Variants in PCDH11Y observed in about 807,000 individuals in gnomAD.
PCDH11Y encodes the protein protocadherin-11 Y-linked.
For missense variants in PCDH11Y, 12 were observed against 224.8 expected, an observed-to-expected ratio of 0.05 and a Z score of 6.05; for synonymous variants, 9 against 83.6, an observed-to-expected ratio of 0.11 and a Z score of 4.87.
chrY:5,133,971 G>C, intron 2 of PCDH11Y, among the ~76,000 whole-genome samples: 1 of 32,367 alleles, frequency 3.1e-5, no homozygotes, highest in Non-Finnish European at 7.6e-5. Flanking sequence ...TAATAATATT[G>C]ATTCTTCAGT....
intron 2 of PCDH11Y, among the ~76,000 whole-genome samples, chrY:5,172,677 A>G (rs2052888175): frequency 3.1e-5 from 1 of 32,014 alleles, no homozygotes; most frequent in African/African-American, 1.2e-4. Flanking sequence ...GCATGGAGGG[A>G]GCAGTAAGAA....
chrY:5,434,593 C>G, intron 2 of PCDH11Y, among the ~76,000 whole-genome samples: 1 of 31,441 alleles, frequency 3.2e-5, no homozygotes, highest in South Asian at 7.5e-4. Context: ...TTTTTTTCAA[C>G]TAAATCAATA....
At chrY:5,564,525 A>G (rs2053432482) in intron 3 of PCDH11Y, among the ~76,000 whole-genome samples, 1 of 31,330 alleles carries the variant, frequency 3.2e-5, no homozygotes, top group African/African-American at 1.2e-4. Flanking sequence ...TGCATTTGCT[A>G]TATCAGAGTA....
At chrY:5,683,166 T>C (rs1456873367) in intron 4 of PCDH11Y, among the ~76,000 whole-genome samples, 46 of 33,123 alleles carry the variant, frequency 1.4e-3, no homozygotes, top group Non-Finnish European at 2.9e-3. Flanking sequence ...ATAGCATTTC[T>C]ATATGTCACC....
intron 4 of PCDH11Y, among the ~76,000 whole-genome samples, chrY:5,698,102 C>T: frequency 1.9e-4 from 6 of 31,353 alleles, no homozygotes; most frequent in East Asian, 8.8e-4. Flanking sequence ...TAAGAAATTC[C>T]GGGTTGGCAA....
intron 1 of PCDH11Y, among the ~76,000 whole-genome samples, chrY:5,028,083 G>A: frequency 6.0e-5 from 2 of 33,413 alleles, no homozygotes; most frequent in Non-Finnish European, 1.5e-4. Context: ...TTAAGCTTAG[G>A]CCTACGATGA....
chrY:5,660,612 T>A, intron 4 of PCDH11Y, among the ~76,000 whole-genome samples: 1 of 32,829 alleles, frequency 3.0e-5, no homozygotes, highest in Non-Finnish European at 7.5e-5. Flanking sequence ...GCACAAACTC[T>A]CTGTGTCACA....
At chrY:5,092,635 T>A in intron 1 of PCDH11Y, among the ~76,000 whole-genome samples, 1 of 32,670 alleles carries the variant, frequency 3.1e-5, no homozygotes, top group Non-Finnish European at 7.6e-5. Context: ...AAGTATTTCC[T>A]TAGTGTTTTC....
chrY:5,533,927 C>A, intron 3 of PCDH11Y, among the ~76,000 whole-genome samples: 1 of 32,975 alleles, frequency 3.0e-5, no homozygotes, highest in Non-Finnish European at 7.5e-5. Context: ...GCATTGATTT[C>A]TTTCAGTTTA....
At chrY:5,267,836 C>T in intron 2 of PCDH11Y, among the ~76,000 whole-genome samples, 1 of 34,008 alleles carries the variant, frequency 2.9e-5, no homozygotes, top group Non-Finnish European at 7.3e-5. Context: ...ATTGCAATTT[C>T]TGCAATTAGT....
chrY:5,358,411 T>A, intron 2 of PCDH11Y, among the ~76,000 whole-genome samples: 1 of 33,526 alleles, frequency 3.0e-5, no homozygotes, highest in Non-Finnish European at 7.4e-5. Context: ...AGAAAGTTTA[T>A]CTTGCCAAGG....
chrY:5,326,890 G>A, intron 2 of PCDH11Y, among the ~76,000 whole-genome samples: 1 of 33,013 alleles, frequency 3.0e-5, no homozygotes, highest in Admixed American at 2.8e-4. Context: ...GCAGACATGA[G>A]GGCTAGGCTA....
chrY:5,358,858 T>C, intron 2 of PCDH11Y, among the ~76,000 whole-genome samples: 2 of 30,905 alleles, frequency 6.5e-5, no homozygotes, highest in African/African-American at 2.6e-4. Context: ...GTTTGTTTGT[T>C]TTTTTAATTT....
intron 1 of PCDH11Y, among the ~76,000 whole-genome samples, chrY:5,013,794 C>G (rs2052556733): frequency 3.1e-5 from 1 of 32,722 alleles, no homozygotes; most frequent in African/African-American, 1.2e-4. Flanking sequence ...TTTTTATATC[C>G]TATGCCAATG....
At chrY:5,648,447 T>C (rs2053529157) in intron 4 of PCDH11Y, among the ~76,000 whole-genome samples, 1 of 33,424 alleles carries the variant, frequency 3.0e-5, no homozygotes, top group East Asian at 8.0e-4. Context: ...GGATGAGTTA[T>C]TAATGCTAGA....
chrY:5,736,108 T>C (rs2053609130), intron 4 of PCDH11Y, among the ~76,000 whole-genome samples: 2 of 33,078 alleles, frequency 6.0e-5, no homozygotes, highest in Non-Finnish European at 1.5e-4. Flanking sequence ...CCTTACTGTT[T>C]CTGATTTTTG....
At chrY:5,682,256 T>G (rs2053559307) in intron 4 of PCDH11Y, among the ~76,000 whole-genome samples, 9 of 11,148 alleles carry the variant, frequency 8.1e-4, no homozygotes, top group Admixed American at 2.7e-3. Flanking sequence ...TTTTTTTTTT[T>G]TTTTTTTTTT....
In PCDH11Y at chrY:5,380,687, A is replaced by C; in HGVS notation, c.3130-120370A>C. ...CTGCAAGCTCCGCCGCCCGGGTTCA[A>C]GCCATTCTCCTGCCTCAGCCTCCGG... On this transcript the variant is annotated intron_variant, in intron 2 of 4. Transcript: ENST00000400457. Among the ~76,000 whole-genome samples the C allele has an allele frequency of 9.8e-5, 3 of 30,750 alleles. No homozygotes were observed. The South Asian group carries it at 2.4e-3, about 24-fold the overall frequency. The allele number at this position is 30,750 out of a possible 37,273, so 82.5% of individuals were successfully genotyped here.
intron 2 of PCDH11Y, among the ~76,000 whole-genome samples, chrY:5,251,945 C>T (rs2053004660): frequency 3.1e-5 from 1 of 32,289 alleles, no homozygotes; most frequent in Non-Finnish European, 7.6e-5. Context: ...GCTATCTAGA[C>T]GTCAAATAAT....
Sources: allele counts gnomAD v4.1 joint callset (sites outside exome capture counted in the v4.1 genomes callset), GRCh38; gene constraint gnomAD v4.1.1; transcripts MANE v1.5; gene names NCBI Gene and HGNC (gene_info 2026-07-23, HGNC 2026-07-21).